The following KRT8 variants were observed in gnomAD, a reference collection of about 807,000 sequenced individuals.
KRT8 encodes the protein keratin 8.
In KRT8, 24 loss-of-function variants were observed where a neutral mutation model predicts 43.0. The observed-to-expected ratio is 0.56, with a 90% CI of 0.40 to 0.78. The LOEUF (loss-of-function observed/expected upper bound fraction) is 0.78. Among genes scored for constraint, KRT8 ranks in the 30% least tolerant of loss-of-function variants. The pLI, the probability that KRT8 is intolerant of heterozygous loss-of-function variation, is 0.00. For missense variants in KRT8, 492 were observed against 638.4 expected (o/e 0.77, Z 2.47); for synonymous variants, 214 against 261.2 (o/e 0.82, Z 1.74).
intron 2 of KRT8, among the ~76,000 whole-genome samples, chr12:52,930,775 G>C (rs898384520): frequency 6.6e-6 from 1 of 151,320 alleles, no homozygotes; most frequent in African/African-American, 2.4e-5. Flanking sequence ...TGCCAGGCTG[G>C]TCTTGAGCTC....
intron 2 of KRT8, chr12:52,926,299 C>T: frequency 2.2e-6 from 2 of 904,994 alleles, no homozygotes; most frequent in Non-Finnish European, 1.7e-6. Flanking sequence ...CATCTGGTGG[C>T]TGAGGCTTAG....
chr12:52,900,992 A>G, intron 3 of KRT8, 167 bp downstream of exon 3: 1 of 723,070 alleles, frequency 1.4e-6, no homozygotes, highest in South Asian at 1.5e-5. Context: ...GTCCAAATGC[A>G]CCTACCACTC....
At chr12:52,907,774 G>A (rs1941552416), upstream of KRT8, among the ~76,000 whole-genome samples, 1 of 152,214 alleles carries the variant, frequency 6.6e-6, no homozygotes, top group South Asian at 2.1e-4. Context: ...CAGCCTCGGT[G>A]CAGGAGAAGA....
At chr12:52,940,198 C>T (rs764331033) in intron 2 of KRT8, among the ~76,000 whole-genome samples, 17 of 151,888 alleles carry the variant, frequency 1.1e-4, no homozygotes, top group Non-Finnish European at 1.9e-4. Context: ...TTTGGGAGGC[C>T]GAGGTGGATG....
At chr12:52,929,149 G>A (rs115546424) in intron 2 of KRT8, among the ~76,000 whole-genome samples, 1,937 of 150,560 alleles carry the variant, frequency 0.013, 42 homozygotes, top group African/African-American at 0.044. Context: ...CCCTGGAATA[G>A]TGGATACCAC....
At position 52,918,915 on chromosome 12, in the gene KRT8, ACCT is replaced by A. The variant is rs528179447; in HGVS notation, c.-46-13891_-46-13889del. On this transcript the variant is annotated intron_variant, in intron 2 of 6. Coordinates refer to the KRT8 transcript ENST00000546826. The stretch of plus-strand genomic sequence containing the variant: ...GCCTTGTGTTTCCCTGCATGAAATA[ACCT>A]CCTTGCAGAACAGAACAGTGTCTGC... 3.2e-4 allele frequency among the ~76,000 whole-genome samples: 48 copies of A among 152,004 alleles called. 1 individual carries two copies. In the East Asian group the frequency reaches 8.3e-3, roughly 26 times the overall value.
intron 1 of KRT8, 169 bp from the exon 2 acceptor site, chr12:52,902,241 G>T (rs540735220): frequency 9.0e-5 from 56 of 622,046 alleles, no homozygotes; most frequent in Non-Finnish European, 1.4e-4. Flanking sequence ...GGGGGAGAAA[G>T]CATGGCATGA....
chr12:52,911,822 C>A (rs10735847), upstream of KRT8, among the ~76,000 whole-genome samples: 10 of 151,958 alleles, frequency 6.6e-5, no homozygotes, highest in African/African-American at 1.7e-4. Context: ...TCAGGAGTTC[C>A]AGAACAGCCT....
At chr12:52,948,494 C>CTTTTTTTTTTTTTT in intron 2 of KRT8, 1 of 110,956 alleles carries the variant, frequency 9.0e-6, no homozygotes, top group East Asian at 3.0e-4. Flanking sequence ...TTTCTTTTTT[C>CTTTTTTTTTTTTTT]TTTTTTTTTT....
chr12:52,948,782 G>T, intron 2 of KRT8: 1 of 407,924 alleles, frequency 2.5e-6, no homozygotes, highest in East Asian at 3.6e-5. Flanking sequence ...GAGCCACTGC[G>T]CCCGGTCAAG....
At chr12:52,910,050 C>T (rs1941602929), upstream of KRT8, among the ~76,000 whole-genome samples, 1 of 152,024 alleles carries the variant, frequency 6.6e-6, no homozygotes, top group Admixed American at 6.6e-5. Flanking sequence ...AGGGTTACAG[C>T]GTGAGCCACT....
At chr12:52,917,500 G>C (rs575168529) in intron 2 of KRT8, among the ~76,000 whole-genome samples, 1 of 151,916 alleles carries the variant, frequency 6.6e-6, no homozygotes, top group Non-Finnish European at 1.5e-5. Context: ...CTGAGGTCAG[G>C]AGTTCAAGAC....
upstream of KRT8, among the ~76,000 whole-genome samples, chr12:52,906,355 A>G (rs1423037482): frequency 6.6e-6 from 1 of 152,184 alleles, no homozygotes; most frequent in African/African-American, 2.4e-5. Flanking sequence ...GAAGTGAGAC[A>G]GGACGGCAGG....
At chr12:52,901,628 A>C in intron 2 of KRT8, 1 of 595,476 alleles carries the variant, frequency 1.7e-6, no homozygotes, top group Non-Finnish European at 3.0e-6. Context: ...TTGACACATA[A>C]TTTGTTCTTC....
intron 2 of KRT8, among the ~76,000 whole-genome samples, chr12:52,943,102 G>T (rs1942291927): frequency 6.6e-6 from 1 of 152,166 alleles, no homozygotes; most frequent in South Asian, 2.1e-4. Context: ...GCTATTGCTT[G>T]TTTAATTACT....
chr12:52,936,393 G>T (rs1235355654), intron 2 of KRT8, among the ~76,000 whole-genome samples: 1 of 151,924 alleles, frequency 6.6e-6, no homozygotes, highest in African/African-American at 2.4e-5. Flanking sequence ...TCCCATGCCT[G>T]TAATCCCAGC....
chr12:52,943,459 T>G (rs1191343793), intron 2 of KRT8, among the ~76,000 whole-genome samples: 1 of 152,148 alleles, frequency 6.6e-6, no homozygotes, highest in Non-Finnish European at 1.5e-5. Flanking sequence ...CCTTCTCCTC[T>G]TTCTCCTCTT....
chr12:52,934,406 C>T (rs1321303716), intron 2 of KRT8, among the ~76,000 whole-genome samples: 1 of 151,198 alleles, frequency 6.6e-6, no homozygotes, highest in Non-Finnish European at 1.5e-5. Context: ...CTAAAAAATA[C>T]AAAAAATAGC....
At chr12:52,897,762 C>A in intron 7 of KRT8, 144 bp from the exon 8 acceptor site, 1 of 1,132,320 alleles carries the variant, frequency 8.8e-7, no homozygotes. Flanking sequence ...GCATGGTTCA[C>A]TACTCCAGAA....
Sources: gnomAD v4.1 joint callset for allele counts (sites outside exome capture counted in the v4.1 genomes callset) on GRCh38, gnomAD v4.1.1 for gene constraint, MANE v1.5 for transcripts, NCBI Gene and HGNC (gene_info 2026-07-23, HGNC 2026-07-21) for gene names.